TADA3: variants seen among roughly 807,000 people sequenced by gnomAD.
The protein encoded by TADA3 is transcriptional adaptor 3, also known as transcriptional adapter 3.
In TADA3, 25 loss-of-function variants were observed where a neutral mutation model predicts 43.2. That is an observed-to-expected ratio of 0.58 (90% CI 0.42 to 0.81). The LOEUF is 0.81. Among genes scored for constraint, TADA3 ranks in the 30% least tolerant of loss-of-function variants. The pLI is 0.00. For synonymous variants in TADA3, 235 were observed against 225.5 expected, an observed-to-expected ratio of 1.04 and a Z score of -0.38; for missense variants, 441 against 567.8, an observed-to-expected ratio of 0.78 and a Z score of 2.27.
upstream of TADA3, chr3:9,792,760 C>A: frequency 8.0e-7 from 1 of 1,245,748 alleles, no homozygotes; most frequent in Non-Finnish European, 1.0e-6. Context: ...ACGAAGGGCT[C>A]GTCCGCTTCG....
At chr3:9,786,268 G>A (rs777422051) in intron 6 of TADA3, among the ~76,000 whole-genome samples, 1 of 152,106 alleles carries the variant, frequency 6.6e-6, no homozygotes, top group African/African-American at 2.4e-5. Context: ...GGACTGGAGT[G>A]ACAATTACGC....
intron 6 of TADA3, among the ~76,000 whole-genome samples, chr3:9,786,619 C>T (rs1305244824): frequency 6.6e-6 from 1 of 152,166 alleles, no homozygotes. Flanking sequence ...TCCTGGCCTC[C>T]AGTGGGAGGA....
chr3:9,780,178 C>G lies in TADA3; in HGVS notation c.*179G>C, dbSNP rs2078426246. 1 of 581,782 alleles carries G rather than the reference C, an allele frequency of 1.7e-6. No individual in the cohort carries two copies. Among genetic ancestry groups the G allele is most frequent in the Non-Finnish European group, 2.9e-6 (1 of 343,176 alleles). 36.0% of individuals were successfully genotyped at this position (581,782 alleles called of 1,614,324 possible). Reference sequence around the variant, plus strand: ...GCCTCAGGCTAGCCCAGCAGGGCTTCCTGTGTCCTGGTTGTACAGAGCTAG... The same window carrying G: ...GCCTCAGGCTAGCCCAGCAGGGCTTGCTGTGTCCTGGTTGTACAGAGCTAG... On this transcript the variant is annotated 3_prime_UTR_variant, in exon 9 of 9. Coordinates refer to ENST00000301964, the MANE Select transcript of TADA3 (RefSeq NM_006354.5).
upstream of TADA3, chr3:9,792,825 G>T: frequency 7.4e-7 from 1 of 1,357,424 alleles, no homozygotes; most frequent in Non-Finnish European, 9.4e-7. Context: ...TGCATACCTG[G>T]GGGAGGCTGT....
intron 6 of TADA3, among the ~76,000 whole-genome samples, chr3:9,786,518 AG>A (rs1361877196): frequency 6.6e-6 from 1 of 152,200 alleles, no homozygotes; most frequent in Non-Finnish European, 1.5e-5. Flanking sequence ...CCCTGAAGCT[AG>A]GGTTTGAATC....
intron 8 of TADA3, chr3:9,783,782 A>C (rs1236728810): frequency 4.6e-6 from 3 of 653,092 alleles, no homozygotes; most frequent in Non-Finnish European, 4.6e-6. Context: ...CCTCTCAAAA[A>C]AAAACAAAAC....
chr3:9,784,772 G>A (rs913730803), intron 7 of TADA3, among the ~76,000 whole-genome samples: 3 of 151,686 alleles, frequency 2.0e-5, no homozygotes, highest in African/African-American at 7.3e-5. Flanking sequence ...GCTGAGGCAG[G>A]AGAATCGCTT....
upstream of TADA3, chr3:9,792,731 G>A (rs1185761488): frequency 1.6e-6 from 2 of 1,237,268 alleles, no homozygotes; most frequent in Non-Finnish European, 1.0e-6. Flanking sequence ...GAAAGGATGG[G>A]GGTACAGAAC....
chr3:9,785,179 C>A, intron 7 of TADA3, 137 bp downstream of exon 7: 1 of 619,480 alleles, frequency 1.6e-6, no homozygotes, highest in Non-Finnish European at 2.9e-6. Flanking sequence ...TGGGTCATCA[C>A]TCACACTTGA....
intron 8 of TADA3, chr3:9,781,401 T>TCCTC (rs2078460316): frequency 9.4e-6 from 4 of 425,798 alleles, no homozygotes; most frequent in Non-Finnish European, 1.9e-5. Context: ...ATTCATATGT[T>TCCTC]ACCCGTGAGG....
chr3:9,790,303 A>G (rs888018786), intron 2 of TADA3, among the ~76,000 whole-genome samples: 2 of 152,212 alleles, frequency 1.3e-5, no homozygotes, highest in Non-Finnish European at 2.9e-5. Flanking sequence ...CCTTCTCTCA[A>G]TCAGTTACCC....
chr3:9,784,038 C>A lies in TADA3; in HGVS notation c.1096G>T (p.Asp366Tyr), dbSNP rs771190912. 1 of 1,613,866 alleles carries A rather than the reference C, an allele frequency of 6.2e-7. No homozygotes were observed. Among genetic ancestry groups the A allele is most frequent in the South Asian group, 1.1e-5 (1 of 91,052 alleles). The change falls in exon 8 of 9, where the codon GAC becomes TAC. Residue 366 changes from aspartate to tyrosine, a missense_variant. By Grantham distance (160) the Asp-to-Tyr change is radical. Transcript: ENST00000301964. ...LSAHNRTKKH[D>Y]LLRLAKEEVS... Reference sequence around the variant, plus strand: ...CCTGCTAACGCTCACCTCAGCAGGTCGTGCTTCTTGGTGCGGTTGTGGGCA... The same window carrying A: ...CCTGCTAACGCTCACCTCAGCAGGTAGTGCTTCTTGGTGCGGTTGTGGGCA...
Position 9,789,787 on chromosome 3 carries a change from G to A in TADA3, c.384C>T (p.Pro128=). 1 of 1,614,226 alleles carries A rather than the reference G, an allele frequency of 6.2e-7. No homozygotes were observed. The highest frequency in any genetic ancestry group is 8.5e-7 in the Non-Finnish European group (1 of 1,180,036). ...PGRPKSKNLQ[P]KIQEYEFTDD... is the part of the protein sequence containing the mutation. ...CAGTGAATTCATATTCCTGGATCTT[G>A]GGCTGAAGGTTTTTGGATTTGGGCC... The change falls in exon 3 of 9, where the codon CCC becomes CCT. Residue 128 remains proline (P), a synonymous_variant. Transcript: ENST00000301964.
At chr3:9,783,181 G>A (rs1344790679) in intron 8 of TADA3, 2 of 152,048 alleles carry the variant, frequency 1.3e-5, no homozygotes, top group African/African-American at 2.4e-5. Flanking sequence ...TTTTCTGTGT[G>A]TATCAAATTT....
chr3:9,792,536 GGA>G, upstream of TADA3: 4 of 1,225,864 alleles, frequency 3.3e-6, no homozygotes, highest in Non-Finnish European at 4.1e-6. Context: ...CGAGCCTACT[GGA>G]GTTTGCCGGG....
chr3:9,789,693 T>C lies in TADA3; in HGVS notation c.458+20A>G. ...CCACCAGAACCTTGAGGCCCCCTTC[T>C]ATGTTCTCTAGCCCAGAACCTGTTG... is the stretch of plus-strand genomic sequence containing the variant. On this transcript the variant is annotated intron_variant, in intron 3 of 8. Coordinates refer to ENST00000301964, the MANE Select transcript of TADA3 (RefSeq NM_006354.5). 1 of 1,610,044 alleles carries C rather than the reference T, an allele frequency of 6.2e-7. No homozygotes were observed. The highest frequency in any genetic ancestry group is 2.2e-5 in the East Asian group (1 of 44,788).
At chr3:9,785,479 TC>T in intron 6 of TADA3, 54 bp from the exon 7 acceptor site, 1 of 1,251,510 alleles carries the variant, frequency 8.0e-7, no homozygotes, top group South Asian at 1.3e-5. Context: ...ACTTTCCTGC[TC>T]CTTTCTGACC....
intron 1 of TADA3, 26 bp from the exon 2 acceptor site, chr3:9,791,519 G>A (rs2078733180): frequency 3.5e-6 from 5 of 1,431,668 alleles, no homozygotes; most frequent in Non-Finnish European, 4.8e-6. Flanking sequence ...CCATTGATGG[G>A]AGACAAAGTG....
chr3:9,780,361 C>T lies in TADA3; in HGVS notation c.1295G>A (p.Gly432Glu). ...AGCCTGAGGCAGGGGTGAGGGCTACCCATCCAGCAGCTTCAGGATGCTCTC... is the reference window on the plus strand; with the variant it reads ...AGCCTGAGGCAGGGGTGAGGGCTACTCATCCAGCAGCTTCAGGATGCTCTC... ...ERESILKLLD[G>E] Residue 432 changes from glycine (G) to glutamate (E), a missense_variant, in exon 9 of 9, where the codon GGG becomes GAG. Coordinates refer to ENST00000301964, the MANE Select transcript of TADA3 (RefSeq NM_006354.5). 2 of 1,611,778 alleles carry T rather than the reference C, an allele frequency of 1.2e-6. No individual in the cohort carries two copies. The highest frequency in any genetic ancestry group is 1.7e-6 in the Non-Finnish European group (2 of 1,178,938).
Sources: allele counts gnomAD v4.1 joint callset (sites outside exome capture counted in the v4.1 genomes callset), GRCh38; gene constraint gnomAD v4.1.1; transcripts MANE v1.5; gene names NCBI Gene and HGNC (gene_info 2026-07-23, HGNC 2026-07-21).